The following MYO1G variants were observed in gnomAD, a reference collection of about 807,000 sequenced individuals.
MYO1G encodes myosin IG.
A neutral mutation model predicts 115.3 loss-of-function variants in MYO1G; 65 were observed. The observed-to-expected ratio is 0.56, with a 90% CI of 0.46 to 0.69. The LOEUF (loss-of-function observed/expected upper bound fraction) is 0.69. MYO1G is among the 30% of genes least tolerant of loss of function. The probability of loss-of-function intolerance (pLI) is 0.00; values close to 1 mark genes in which losing one functional copy is unlikely to be tolerated. For synonymous variants in MYO1G, 510 were observed against 552.6 expected (o/e 0.92, Z 1.08); for missense variants, 1,204 against 1,393.5 (o/e 0.86, Z 2.16).
chr7:44,971,801 G>T lies in MYO1G; in HGVS notation c.730-12C>A. ...TCACTGTCCAAGGCCTAGGGTAGAA[G>T]GGATTCATCACTCCAAAGCCACACT... On this transcript the variant is annotated splice_polypyrimidine_tract_variant and intron_variant, in intron 6 of 21. Transcript: ENST00000258787. 1 of 1,544,998 alleles carries T rather than the reference G, an allele frequency of 6.5e-7. No homozygotes were observed.
Position 44,970,741 on chromosome 7 carries a change from G to C in MYO1G, c.1072-4C>G, listed in dbSNP as rs1200498006. The stretch of plus-strand genomic sequence containing the variant: ...CAAACAGCCGCTGGTACACTGCCTG[G>C]GGGATAGGAACACCCTGCTTCCTGC... On this transcript the variant is annotated splice_polypyrimidine_tract_variant and splice_region_variant and intron_variant, in intron 8 of 21. Transcript: ENST00000258787. The C allele has an allele frequency of 6.2e-7, 1 of 1,613,816 alleles. No individual in the cohort carries two copies.
intron 12 of MYO1G, among the ~76,000 whole-genome samples, 158 bp from the exon 13 acceptor site, chr7:44,968,116 C>T (rs1263286578): frequency 6.6e-6 from 1 of 152,218 alleles, no homozygotes; most frequent in African/African-American, 2.4e-5. Flanking sequence ...CCTTCCCCCT[C>T]ACACCTGCTT....
chr7:44,978,995 T>C lies in MYO1G; in HGVS notation c.-34A>G. The stretch of plus-strand genomic sequence containing the variant: ...CTGGAAACACCTTGCCTCACCTTCC[T>C]GTGCCTGCTGGAAGGACAGTGAAGG... On this transcript the variant is annotated 5_prime_UTR_variant, in exon 1 of 22. Transcript: ENST00000258787. 6.3e-7 allele frequency: 1 copy of C among 1,593,842 alleles called. No individual in the cohort carries two copies. Among genetic ancestry groups the C allele is most frequent in the Non-Finnish European group, 8.6e-7 (1 of 1,161,706 alleles).
chr7:44,972,375 T>C, intron 5 of MYO1G, 150 bp from the exon 6 acceptor site: 1 of 632,180 alleles, frequency 1.6e-6, no homozygotes, highest in Non-Finnish European at 2.9e-6. Context: ...ACAGTTTCTG[T>C]GTGCCAGCAA....
At chr7:44,967,350 G>C (rs1010892078) in intron 14 of MYO1G, among the ~76,000 whole-genome samples, 4 of 152,180 alleles carry the variant, frequency 2.6e-5, no homozygotes, top group African/African-American at 9.7e-5. Context: ...ACCCCTCCCT[G>C]TTCAAGAGAC....
intron 5 of MYO1G, chr7:44,973,012 C>T (rs1794987256): frequency 6.6e-6 from 1 of 151,924 alleles, no homozygotes; most frequent in South Asian, 2.1e-4. Flanking sequence ...TCCACAGAGA[C>T]AATGGTCATG....
At position 44,972,184 on chromosome 7, in the gene MYO1G, G is replaced by C. The variant is rs371408293; in HGVS notation, c.660C>G (p.His220Gln). 4 of 1,614,098 alleles carry C rather than the reference G, an allele frequency of 2.5e-6. No homozygotes were observed. The highest frequency in any genetic ancestry group is 1.6e-4 in the Middle Eastern group (1 of 6,062). ...GSEDKQLHEL[H>Q]LERNPAVYNF... ...TGTATACAGCAGGGTTTCTCTCCAAGTGCAGTTCATGCAGCTGCTTGTCCT... is the reference window on the plus strand; with the variant it reads ...TGTATACAGCAGGGTTTCTCTCCAACTGCAGTTCATGCAGCTGCTTGTCCT... Residue 220 changes from histidine to glutamine, a missense_variant, in exon 6 of 22, where the codon CAC (histidine) becomes CAG (glutamine). His to Gln is a conservative substitution (Grantham distance 24). Coordinates refer to ENST00000258787, the MANE Select transcript of MYO1G (RefSeq NM_033054.3).
intron 17 of MYO1G, among the ~76,000 whole-genome samples, 156 bp downstream of exon 17, chr7:44,965,481 A>T (rs538975274): frequency 6.6e-6 from 1 of 152,230 alleles, no homozygotes; most frequent in Non-Finnish European, 1.5e-5. Flanking sequence ...CAACTGTGGG[A>T]CATGAGCAGT....
chr7:44,967,538 T>C, intron 14 of MYO1G, 67 bp downstream of exon 14: 1 of 1,599,572 alleles, frequency 6.3e-7, no homozygotes. Flanking sequence ...GTTGGGACCC[T>C]ACTTGGCACC....
chr7:44,963,974 C>T lies in MYO1G; in HGVS notation c.2745+75G>A. 1 of 1,204,790 alleles carries T rather than the reference C, an allele frequency of 8.3e-7. No homozygotes were observed. The highest frequency in any genetic ancestry group is 1.2e-6 in the Non-Finnish European group (1 of 838,646). The allele number at this position is 1,204,790 out of a possible 1,614,324, so 74.6% of individuals were successfully genotyped here. On this transcript the variant is annotated intron_variant, in intron 20 of 21. Transcript: ENST00000258787. This position sits in a 1 kb window ranked among gnomAD's most constrained non-coding sequence, Gnocchi z 4.1. ...TCTCAGGTAAACAGGGGAGAGAAGA[C>T]TGAGGCAGGACTCTGAGCAGCCCAG...
In MYO1G at chr7:44,978,947, T is replaced by G. The variant is rs1472879606; in HGVS notation, c.15A>C (p.Glu5Asp). 1.2e-6 allele frequency: 2 copies of G among 1,614,148 alleles called. No individual in the cohort carries two copies. Among genetic ancestry groups the G allele is most frequent in the Non-Finnish European group, 1.7e-6 (2 of 1,179,986 alleles). Residue 5 changes from glutamate to aspartate, a missense_variant, in exon 1 of 22, where the codon GAA becomes GAC. Transcript: ENST00000258787. ...AGTCAGGTTTGCCATACTCAGGGCC[T>G]TCCTCGTCCTCCATCCTGCCGGCTG... MEDE[E>D]GPEYGKPDFV...
At position 44,962,668 on chromosome 7, in the gene MYO1G, C is replaced by G. The variant is rs1265141381; in HGVS notation, c.*71G>C. The G allele has an allele frequency of 3.5e-6, 5 of 1,413,838 alleles. No homozygotes were observed. The highest frequency in any genetic ancestry group is 3.0e-5 in the African/African-American group (2 of 66,146). The allele number at this position is 1,413,838 out of a possible 1,614,324, so 87.6% of individuals were successfully genotyped here. On this transcript the variant is annotated 3_prime_UTR_variant, in exon 22 of 22. Transcript: ENST00000258787. This position sits in a 1 kb window ranked among gnomAD's most constrained non-coding sequence, Gnocchi z 5.3. ...CGGGAGCGGCGAGCAGGAGGGCTGA[C>G]TCAGAAGGTTTATTTGCAGCGCTGG...
In MYO1G at chr7:44,964,663, G is replaced by A; in HGVS notation, c.2527-144C>T. 1.2e-6 allele frequency: 1 copy of A among 800,924 alleles called. No individual in the cohort carries two copies. Among genetic ancestry groups the A allele is most frequent in the Non-Finnish European group, 2.0e-6 (1 of 488,098 alleles). The allele number at this position is 800,924 out of a possible 1,614,324, so 49.6% of individuals were successfully genotyped here. ...CACAGACTTGTGCGTGAGCTGAGCA[G>A]CCCTGGATTTCCTGAGGGCACAGAG... On this transcript the variant is annotated intron_variant, in intron 18 of 21. Coordinates refer to ENST00000258787, the MANE Select transcript of MYO1G (RefSeq NM_033054.3). This position sits in a 1 kb window ranked among gnomAD's most constrained non-coding sequence, Gnocchi z 5.1.
Position 44,976,567 on chromosome 7 carries a change from T to C in MYO1G, c.395A>G (p.Glu132Gly), listed in dbSNP as rs751862160. 2.5e-6 allele frequency: 4 copies of C among 1,613,900 alleles called. No homozygotes were observed. The highest frequency in any genetic ancestry group is 1.7e-5 in the Admixed American group (1 of 59,998). Residue 132 changes from glutamate (E) to glycine (G), a missense_variant, in exon 3 of 22, where the codon GAG becomes GGG. Glu to Gly is a moderately conservative substitution (Grantham distance 98, BLOSUM62 -2). Transcript: ENST00000258787. Reference sequence around the variant, plus strand: ...AGAGCTGCCCATTGCCACTCACCTCTCCACCTCAGCCCTCTGGCTTGGATT... The same window carrying C: ...AGAGCTGCCCATTGCCACTCACCTCCCCACCTCAGCCCTCTGGCTTGGATT... ...VTNPSQRAEV[E>G]RVKDVLLKST...
At position 44,962,777 on chromosome 7, in the gene MYO1G, C is replaced by T; in HGVS notation, c.3019G>A (p.Ala1007Thr). The change falls in exon 22 of 22, where the codon GCT (alanine) becomes ACT (threonine). Residue 1007 changes from alanine (A) to threonine (T), a missense_variant. Physicochemically the swap from Ala to Thr is moderately conservative, Grantham distance 58 (BLOSUM62 0). Transcript: ENST00000258787. The surrounding 1 kb of genome is among the most constrained non-coding windows in gnomAD (Gnocchi z 5.3). ...PEQPEPDFRC[A>T]RGSFTLLWPS... is the part of the protein sequence containing the mutation. ...CAGAGCAGGGTGAAGGAGCCGCGAG[C>T]GCAGCGGAAATCGGGCTCTGGCTGC... 1 of 1,496,662 alleles carries T rather than the reference C, an allele frequency of 6.7e-7. No homozygotes were observed. Among genetic ancestry groups the T allele is most frequent in the Non-Finnish European group, 8.8e-7 (1 of 1,131,514 alleles). The allele number at this position is 1,496,662 out of a possible 1,614,324, so 92.7% of individuals were successfully genotyped here.
At chr7:44,974,875 C>T (rs758569450) in intron 5 of MYO1G, 53 of 469,302 alleles carry the variant, frequency 1.1e-4, no homozygotes, top group East Asian at 1.2e-4. Context: ...AAGCCCACCT[C>T]GTGGGGAGCT....
At chr7:44,978,449 G>A (rs1312032596) in intron 1 of MYO1G, among the ~76,000 whole-genome samples, 1 of 152,200 alleles carries the variant, frequency 6.6e-6, no homozygotes, top group African/African-American at 2.4e-5. Flanking sequence ...GAGATGCATC[G>A]AGGGAGCATC....
intron 6 of MYO1G, 59 bp from the exon 7 acceptor site, chr7:44,971,848 C>G: frequency 7.7e-7 from 1 of 1,294,518 alleles, no homozygotes; most frequent in South Asian, 1.3e-5. Context: ...ACCTGTCTCC[C>G]TTGAGGCTTG....
chr7:44,975,321 G>T (rs1486566221), intron 4 of MYO1G, 94 bp from the exon 5 acceptor site: 2 of 1,520,446 alleles, frequency 1.3e-6, no homozygotes, highest in Non-Finnish European at 1.8e-6. Flanking sequence ...CAGGCTGGGG[G>T]TCAGAGAGTC....
Sources: gnomAD v4.1 joint callset for allele counts (sites outside exome capture counted in the v4.1 genomes callset) on GRCh38, gnomAD v4.1.1 for gene constraint, Gnocchi (gnomAD v3.1) non-coding constraint, MANE v1.5 for transcripts, NCBI Gene and HGNC (gene_info 2026-07-23, HGNC 2026-07-21) for gene names.